The following PSG8 variants were observed in gnomAD, a reference collection of about 807,000 sequenced individuals.
The protein encoded by PSG8 is pregnancy specific beta-1-glycoprotein 8, also known as pregnancy-specific beta-1-glycoprotein 8.
Under a neutral mutation model 42.5 loss-of-function variants are expected in PSG8, and 57 were observed. The ratio of observed to expected loss-of-function variants is 1.34; its 90% confidence interval spans 1.08 to 1.67. The LOEUF (loss-of-function observed/expected upper bound fraction) is 1.67, where lower values mean the gene tolerates loss of function less well. Ranked by LOEUF, PSG8 falls within the 40% of genes most tolerant of loss-of-function variation. The pLI, the probability that PSG8 is intolerant of heterozygous loss-of-function variation, is 0.00. For missense variants in PSG8, 783 were observed against 518.6 expected (o/e 1.51, Z -4.95); for synonymous variants, 280 against 196.8 (o/e 1.42, Z -3.54).
intron 2 of PSG8, among the ~76,000 whole-genome samples, chr19:42,763,528 G>A (rs1274870334): frequency 6.6e-6 from 1 of 152,138 alleles, no homozygotes; most frequent in Non-Finnish European, 1.5e-5. Context: ...CTGTTCTGGG[G>A]GTGAGGCTTC....
At position 42,765,627 on chromosome 19, in the gene PSG8, A is replaced by T. The variant is rs754197910; in HGVS notation, c.-46T>A. The T allele has an allele frequency of 1.2e-5, 20 of 1,600,290 alleles. No individual in the cohort carries two copies. Among genetic ancestry groups the T allele is most frequent in the African/African-American group, 2.7e-5 (2 of 73,632 alleles). ...TCTCCTCTGTGGAGATGAGCCTAGG[A>T]TCCAGAAGCTTCCTGAGCACAGCTC... is the stretch of plus-strand genomic sequence containing the variant. On this transcript the variant is annotated 5_prime_UTR_variant, in exon 1 of 5. Coordinates refer to ENST00000306511, the MANE Select transcript of PSG8 (RefSeq NM_182707.3).
intron 2 of PSG8, 142 bp from the exon 3 acceptor site, chr19:42,758,422 C>G (rs976050190): frequency 6.7e-7 from 1 of 1,500,424 alleles, no homozygotes; most frequent in Non-Finnish European, 8.9e-7. Flanking sequence ...TGTTGCAAGA[C>G]AGATGCAGGG....
intron 2 of PSG8, chr19:42,758,986 C>T (rs1288123582): frequency 6.5e-6 from 1 of 152,886 alleles, no homozygotes; most frequent in Non-Finnish European, 1.5e-5. Flanking sequence ...AGCTTTGGAC[C>T]AAGACCACGT....
downstream of PSG8, chr19:42,753,847 T>C (rs554196887): frequency 2.2e-6 from 1 of 451,338 alleles, no homozygotes; most frequent in Non-Finnish European, 4.3e-6. Context: ...TGTGCAAATA[T>C]GTGTATTACC....
chr19:42,755,644 C>T (rs1410838539), intron 3 of PSG8: 3 of 325,722 alleles, frequency 9.2e-6, no homozygotes, highest in Admixed American at 4.4e-5. Flanking sequence ...AAATTCCATC[C>T]TACATTGTCC....
chr19:42,762,275 A>T (rs1262050420), intron 2 of PSG8, among the ~76,000 whole-genome samples: 2 of 151,770 alleles, frequency 1.3e-5, no homozygotes, highest in Admixed American at 6.6e-5. Context: ...GCAGTGAGGG[A>T]GACACTGACT....
downstream of PSG8, chr19:42,753,443 A>G: frequency 1.3e-6 from 1 of 770,430 alleles, no homozygotes; most frequent in Non-Finnish European, 2.4e-6. Context: ...GGTGTACTAC[A>G]GTTTTTATTT....
At position 42,758,221 on chromosome 19, in the gene PSG8, C is replaced by T. The variant is rs754754255; in HGVS notation, c.490G>A (p.Ala164Thr). The T allele has an allele frequency of 6.2e-6, 10 of 1,614,052 alleles. No homozygotes were observed. The highest frequency in any genetic ancestry group is 1.1e-5 in the South Asian group (1 of 91,074). Reference sequence around the variant, plus strand: ...TCAGGATCACAGGTTAAGCTCACAGCCTCCATGGCCTCCCTGGGGTTTAAT... The same window carrying T: ...TCAGGATCACAGGTTAAGCTCACAGTCTCCATGGCCTCCCTGGGGTTTAAT... ...SKLNPREAME[A>T]VSLTCDPETP... is the part of the protein sequence containing the mutation. Residue 164 changes from alanine (A) to threonine (T), a missense_variant, in exon 3 of 5, where the codon GCT (alanine) becomes ACT (threonine). Coordinates refer to ENST00000306511, the MANE Select transcript of PSG8 (RefSeq NM_182707.3).
chr19:42,755,643 C>T lies in PSG8; in HGVS notation c.710-377G>A, dbSNP rs148817316. 626 of 325,828 alleles carry T rather than the reference C, an allele frequency of 1.9e-3. 5 individuals carry two copies. Among genetic ancestry groups the T allele is most frequent in the African/African-American group, 0.012 (580 of 48,324 alleles). 20.2% of individuals were successfully genotyped at this position (325,828 alleles called of 1,614,324 possible). A position where few individuals can be genotyped will look rare whatever the true frequency, so the allele number is the denominator to read the frequency against. The stretch of plus-strand genomic sequence containing the variant: ...CTGGTGGGCCCCTTCCAAATTCCAT[C>T]CTACATTGTCCCCCTAGATGTGATT... On this transcript the variant is annotated intron_variant, in intron 3 of 4. Coordinates refer to ENST00000306511, the MANE Select transcript of PSG8 (RefSeq NM_182707.3).
chr19:42,760,465 T>G (rs542527515), intron 2 of PSG8, among the ~76,000 whole-genome samples: 16 of 152,328 alleles, frequency 1.1e-4, no homozygotes, highest in Admixed American at 3.3e-4. Context: ...CCCCACTCTT[T>G]TTGAACTTTC....
downstream of PSG8, among the ~76,000 whole-genome samples, chr19:42,753,700 C>G (rs1386124856): frequency 6.6e-6 from 1 of 152,176 alleles, no homozygotes; most frequent in Non-Finnish European, 1.5e-5. Flanking sequence ...CCAAGGCTGA[C>G]TTCAGACTTT....
chr19:42,759,416 G>C (rs1970017908), intron 2 of PSG8, among the ~76,000 whole-genome samples: 1 of 152,150 alleles, frequency 6.6e-6, no homozygotes, highest in South Asian at 2.1e-4. Flanking sequence ...CATGTCTATA[G>C]TTCATACAGA....
intron 2 of PSG8, among the ~76,000 whole-genome samples, chr19:42,760,464 T>A (rs908312558): frequency 3.9e-5 from 6 of 152,176 alleles, no homozygotes; most frequent in African/African-American, 1.4e-4. Context: ...ACCCCACTCT[T>A]TTTGAACTTT....
chr19:42,762,133 G>T (rs1158674067), intron 2 of PSG8, among the ~76,000 whole-genome samples: 2 of 151,588 alleles, frequency 1.3e-5, no homozygotes, highest in Non-Finnish European at 2.9e-5. Flanking sequence ...AGCCTAGTCA[G>T]AGGGAGTGTC....
Position 42,758,231 on chromosome 19 carries a change from C to T in PSG8, c.480G>A (p.Glu160=), listed in dbSNP as rs1969981875. The change falls in exon 3 of 5, where the codon GAG becomes GAA. Residue 160 remains glutamate, a synonymous_variant. Coordinates refer to ENST00000306511, the MANE Select transcript of PSG8 (RefSeq NM_182707.3). ...SISSSKLNPR[E]AMEAVSLTCD... Reference sequence around the variant, plus strand: ...AGGTTAAGCTCACAGCCTCCATGGCCTCCCTGGGGTTTAATTTGCTGCTGG... The same window carrying T: ...AGGTTAAGCTCACAGCCTCCATGGCTTCCCTGGGGTTTAATTTGCTGCTGG... The T allele has an allele frequency of 6.2e-7, 1 of 1,613,932 alleles. No homozygotes were observed. Among genetic ancestry groups the T allele is most frequent in the Admixed American group, 1.7e-5 (1 of 59,990 alleles).
At chr19:42,759,349 G>A (rs985638973) in intron 2 of PSG8, among the ~76,000 whole-genome samples, 5 of 152,118 alleles carry the variant, frequency 3.3e-5, no homozygotes, top group African/African-American at 1.2e-4. Flanking sequence ...TTGTTCCATG[G>A]TTGTGCAGTT....
chr19:42,761,690 C>G (rs747778388), intron 2 of PSG8, among the ~76,000 whole-genome samples: 1 of 152,088 alleles, frequency 6.6e-6, no homozygotes, highest in Non-Finnish European at 1.5e-5. Context: ...GCTCCTGAAA[C>G]TACCCTTGAA....
Position 42,762,491 on chromosome 19 carries a change from A to AC in PSG8, c.430+1424_430+1425insG, listed in dbSNP as rs538690592. On this transcript the variant is annotated intron_variant, in intron 2 of 4. Transcript: ENST00000306511. ...AGAAACTCCTAGGATTCTGCATGCA[A>AC]ATTCAGTCTCTAAAGAGGTTTTGGA... Among the ~76,000 whole-genome samples, 9 of 152,126 alleles carry AC rather than the reference A, an allele frequency of 5.9e-5. No homozygotes were observed. In the East Asian group the frequency reaches 1.2e-3, roughly 20 times the overall value.
At chr19:42,764,854 C>G (rs1970175739) in intron 1 of PSG8, among the ~76,000 whole-genome samples, 1 of 152,086 alleles carries the variant, frequency 6.6e-6, no homozygotes, top group Non-Finnish European at 1.5e-5. Context: ...TGTGAGAGTT[C>G]TCAGGGCCCT....
Sources: gnomAD v4.1 joint callset for allele counts (sites outside exome capture counted in the v4.1 genomes callset) on GRCh38, gnomAD v4.1.1 for gene constraint, MANE v1.5 for transcripts, NCBI Gene and HGNC (gene_info 2026-07-23, HGNC 2026-07-21) for gene names.